Variants in SKIC8 observed in about 807,000 individuals in gnomAD.
SKIC8 encodes the protein superkiller complex protein 8.
chr15:78,286,128 T>C, the SKIC8 span: 8 of 1,609,558 alleles, frequency 5.0e-6, no homozygotes, highest in Middle Eastern at 1.7e-4. Context: ...CAAATTGGCA[T>C]GTTGTCTGAA....
At chr15:78,285,748 T>G in the SKIC8 span, 2 of 431,940 alleles carry the variant, frequency 4.6e-6, no homozygotes, top group Non-Finnish European at 8.2e-6. Flanking sequence ...TTTACAAACA[T>G]TTACATATTT....
the SKIC8 span, chr15:78,292,384 T>G: frequency 2.1e-6 from 1 of 481,412 alleles, no homozygotes; most frequent in South Asian, 2.4e-5. Context: ...TTTATAGCCT[T>G]TATTTATCTC....
the SKIC8 span, chr15:78,293,315 G>T: frequency 1.9e-6 from 3 of 1,550,786 alleles, no homozygotes; most frequent in East Asian, 2.2e-5. Context: ...TCTTGCATAC[G>T]ACTTAATGAA....
the SKIC8 span, chr15:78,299,602 G>C: frequency 6.6e-6 from 1 of 152,356 alleles, no homozygotes; most frequent in Non-Finnish European, 1.5e-5. Context: ...CGGGCTCCGC[G>C]CGACTGCGAC....
the SKIC8 span, chr15:78,292,770 G>A: frequency 6.2e-7 from 1 of 1,613,818 alleles, no homozygotes; most frequent in African/African-American, 1.3e-5. Context: ...TCCACTGTAG[G>A]TCCAGCCTCT....
chr15:78,283,718 C>G, the SKIC8 span: 2 of 461,846 alleles, frequency 4.3e-6, no homozygotes, highest in East Asian at 6.4e-5. Flanking sequence ...ATTCCTGCCC[C>G]TTCCCATACT....
the SKIC8 span, chr15:78,294,811 G>T: frequency 4.7e-6 from 4 of 852,018 alleles, no homozygotes; most frequent in Non-Finnish European, 5.5e-6. Flanking sequence ...AAGAGTATTT[G>T]TTTTCAGCTG....
chr15:78,292,851 A>G, the SKIC8 span: 28 of 1,586,114 alleles, frequency 1.8e-5, no homozygotes, highest in Middle Eastern at 4.5e-4. Flanking sequence ...GGCATCTGAA[A>G]TTCTGGGTCC....
At chr15:78,293,664 G>A in the SKIC8 span, among the ~76,000 whole-genome samples, 20 of 152,154 alleles carry the variant, frequency 1.3e-4, no homozygotes, top group Admixed American at 2.6e-4. Flanking sequence ...AAGATCTTTC[G>A]AAACAAGCAG....
At chr15:78,294,317 CTCA>C in the SKIC8 span, among the ~76,000 whole-genome samples, 1 of 152,208 alleles carries the variant, frequency 6.6e-6, no homozygotes, top group Non-Finnish European at 1.5e-5. Context: ...CCTTCTCAAA[CTCA>C]TCGAGGCTAT....
the SKIC8 span, chr15:78,292,433 A>T: frequency 1.6e-6 from 1 of 621,464 alleles, no homozygotes; most frequent in Non-Finnish European, 2.8e-6. Flanking sequence ...CAGAGGTATT[A>T]GTCTTTCATT....
At chr15:78,285,072 T>C in the SKIC8 span, 1 of 590,108 alleles carries the variant, frequency 1.7e-6, no homozygotes, top group South Asian at 2.2e-5. Context: ...TGACAGCACA[T>C]CCCAGCCTCT....
chr15:78,288,478 G>T, the SKIC8 span: 1 of 1,197,940 alleles, frequency 8.3e-7, no homozygotes, highest in Non-Finnish European at 1.2e-6. Context: ...ATGAGCCACT[G>T]AGTTGAAATG....
the SKIC8 span, chr15:78,289,633 A>T: frequency 6.2e-7 from 1 of 1,613,660 alleles, no homozygotes; most frequent in Non-Finnish European, 8.5e-7. Flanking sequence ...CAGGGTATGC[A>T]GAAGTTTTCC....
the SKIC8 span, among the ~76,000 whole-genome samples, chr15:78,296,532 A>G: frequency 6.6e-6 from 1 of 150,420 alleles, no homozygotes; most frequent in South Asian, 2.1e-4. Flanking sequence ...TTTTTTCGAG[A>G]TAGGGTCTTG....
At chr15:78,297,778 C>G in the SKIC8 span, among the ~76,000 whole-genome samples, 1 of 152,302 alleles carries the variant, frequency 6.6e-6, no homozygotes, top group Non-Finnish European at 1.5e-5. Context: ...AGGGACCACA[C>G]AGTTAAGGCA....
the SKIC8 span, chr15:78,286,339 A>G: frequency 1.4e-4 from 72 of 498,916 alleles, no homozygotes; most frequent in African/African-American, 1.2e-3. Context: ...ATTAACCCAT[A>G]ATGTGTTGAC....
At chr15:78,294,789 T>C in the SKIC8 span, 5 of 594,926 alleles carry the variant, frequency 8.4e-6, no homozygotes, top group Admixed American at 1.3e-4. Context: ...TTGTTGTTGT[T>C]GTCTGTTTTT....
At chr15:78,297,060 T>C in the SKIC8 span, among the ~76,000 whole-genome samples, 1 of 152,240 alleles carries the variant, frequency 6.6e-6, no homozygotes, top group South Asian at 2.1e-4. Context: ...TCATTAATAC[T>C]GAACTCATGC....
Sources: gnomAD v4.1 joint callset for allele counts (sites outside exome capture counted in the v4.1 genomes callset) on GRCh38, gnomAD v4.1.1 for gene constraint, MANE v1.5 for transcripts, NCBI Gene and HGNC (gene_info 2026-07-23, HGNC 2026-07-21) for gene names.